The following PTRH2 variants were observed in gnomAD, a reference collection of about 807,000 sequenced individuals.
PTRH2 encodes the protein peptidyl-tRNA hydrolase 2, mitochondrial.
In PTRH2, 10 loss-of-function variants were observed where a neutral mutation model predicts 12.3. The ratio of observed to expected loss-of-function variants is 0.81; its 90% CI spans 0.50 to 1.38. PTRH2 has a LOEUF of 1.38. Ranked by LOEUF, PTRH2 falls within the 40% of genes most tolerant of loss-of-function variation. The probability of loss-of-function intolerance (pLI) is 0.00; values close to 1 mark genes in which losing one functional copy is unlikely to be tolerated. For missense variants in PTRH2, 176 were observed against 214.1 expected (o/e 0.82, Z 1.11); for synonymous variants, 73 against 77.4 (o/e 0.94, Z 0.30).
intron 1 of PTRH2, among the ~76,000 whole-genome samples, chr17:59,702,760 G>A (rs955926296): frequency 2.0e-5 from 3 of 152,126 alleles, no homozygotes; most frequent in Non-Finnish European, 2.9e-5. Flanking sequence ...CTGTAGTTTC[G>A]CTTAAGCTTT....
intron 1 of PTRH2, chr17:59,699,236 T>A (rs9652857): frequency 1.9e-5 from 4 of 206,804 alleles, no homozygotes; most frequent in South Asian, 1.0e-4. Context: ...CAAATGCCTC[T>A]GCCAGTTTCT....
In PTRH2 at chr17:59,697,577, T is replaced by A; in HGVS notation, c.402A>T (p.Lys134Asn). The change falls in exon 2 of 2, where the codon AAA becomes AAT. Residue 134 changes from lysine to asparagine, a missense_variant. Lys to Asn is a moderately conservative substitution (Grantham distance 94). Transcript: ENST00000393038. The stretch of plus-strand genomic sequence containing the variant: ...TTAAACTTACAGTCAGTCCCAGCAT[T>A]TTTGCATGGGCCAATAATGCAATCA... The part of the protein sequence containing the change: ...ETLIALLAHA[K>N]MLGLTVSLIQ... 6.2e-7 allele frequency: 1 copy of A among 1,614,182 alleles called. No individual in the cohort carries two copies. The highest frequency in any genetic ancestry group is 2.2e-5 in the East Asian group (1 of 44,890).
chr17:59,704,805 T>C (rs1408382869), intron 1 of PTRH2, among the ~76,000 whole-genome samples: 1 of 152,080 alleles, frequency 6.6e-6, no homozygotes, highest in Non-Finnish European at 1.5e-5. Context: ...TTTTTTTTTC[T>C]TAAGACGGCA....
chr17:59,697,357 G>A lies in PTRH2; in HGVS notation c.*82C>T. 2 of 1,431,806 alleles carry A rather than the reference G, an allele frequency of 1.4e-6. No homozygotes were observed. The highest frequency in any genetic ancestry group is 2.5e-4 in the Middle Eastern group (1 of 4,022). 88.7% of individuals were successfully genotyped at this position (1,431,806 alleles called of 1,614,324 possible). A position where few individuals can be genotyped will look rare whatever the true frequency, so the allele number is the denominator to read the frequency against. ...CATCTCAAGAACATTTAAGTTGGGT[G>A]AAGAAATTCAGCTTTTGTTGTTAGA... On this transcript the variant is annotated 3_prime_UTR_variant, in exon 2 of 2. Coordinates refer to ENST00000393038, the MANE Select transcript of PTRH2 (RefSeq NM_016077.5).
intron 1 of PTRH2, chr17:59,698,216 C>T (rs888409238): frequency 5.5e-5 from 29 of 522,572 alleles, no homozygotes; most frequent in Admixed American, 3.1e-4. Context: ...TTGATGTAAA[C>T]GAAGTTGCAT....
intron 1 of PTRH2, chr17:59,700,463 T>C (rs1411481089): frequency 1.3e-5 from 2 of 152,210 alleles, no homozygotes; most frequent in Non-Finnish European, 2.9e-5. Flanking sequence ...CACTGCATGA[T>C]TGGCACGGCA....
intron 1 of PTRH2, among the ~76,000 whole-genome samples, chr17:59,703,305 A>T (rs1050387245): frequency 1.3e-5 from 2 of 151,920 alleles, no homozygotes; most frequent in Admixed American, 6.6e-5. Context: ...ATTTACAGGC[A>T]TGAGCCACTG....
At chr17:59,706,880 C>T (rs548759616) in intron 1 of PTRH2, among the ~76,000 whole-genome samples, 2 of 151,976 alleles carry the variant, frequency 1.3e-5, no homozygotes, top group African/African-American at 4.8e-5. Flanking sequence ...GCCATGTTGG[C>T]CAGGATGGTC....
At chr17:59,703,353 T>C (rs769591868) in intron 1 of PTRH2, among the ~76,000 whole-genome samples, 5 of 152,044 alleles carry the variant, frequency 3.3e-5, no homozygotes, top group Non-Finnish European at 7.4e-5. Flanking sequence ...CAATTTATGA[T>C]GGGTTTATCA....
Position 59,697,647 on chromosome 17 carries a change from C to T in PTRH2, c.332G>A (p.Cys111Tyr). The change falls in exon 2 of 2, where the codon TGT becomes TAT. Residue 111 changes from cysteine to tyrosine, a missense_variant. Physicochemically the swap from Cys to Tyr is radical, Grantham distance 194. Transcript: ENST00000393038. ...NPEMLKQWEY[C>Y]GQPKVVVKAP... is the part of the protein sequence containing the mutation. Reference sequence around the variant, plus strand: ...TTTGACCACCACCTTGGGCTGGCCACAGTATTCCCATTGTTTGAGCATTTC... The same window carrying T: ...TTTGACCACCACCTTGGGCTGGCCATAGTATTCCCATTGTTTGAGCATTTC... 6.2e-7 allele frequency: 1 copy of T among 1,614,190 alleles called. No individual in the cohort carries two copies. The highest frequency in any genetic ancestry group is 8.5e-7 in the Non-Finnish European group (1 of 1,180,016).
At chr17:59,704,206 AAGTGTCTAAGGTAC>A (rs1297288581) in intron 1 of PTRH2, among the ~76,000 whole-genome samples, 1 of 152,244 alleles carries the variant, frequency 6.6e-6, no homozygotes, top group Non-Finnish European at 1.5e-5. Flanking sequence ...GAAATAAAAA[AAGTGTCTAAGGTAC>A]ACCTGTCTGA....
At chr17:59,705,663 A>C (rs964402652) in intron 1 of PTRH2, among the ~76,000 whole-genome samples, 21 of 152,148 alleles carry the variant, frequency 1.4e-4, no homozygotes, top group African/African-American at 5.1e-4. Context: ...TCCTGGCCTC[A>C]AGGAGTTGCT....
intron 1 of PTRH2, among the ~76,000 whole-genome samples, chr17:59,702,638 A>C (rs1411811726): frequency 6.6e-6 from 1 of 152,224 alleles, no homozygotes; most frequent in Non-Finnish European, 1.5e-5. Context: ...ATGTAGTAAT[A>C]GTTAACATTT....
At chr17:59,702,482 A>G (rs529406112) in intron 1 of PTRH2, among the ~76,000 whole-genome samples, 8 of 152,270 alleles carry the variant, frequency 5.3e-5, no homozygotes, top group African/African-American at 1.7e-4. Context: ...AAATACAGAT[A>G]AAACTTCACT....
rs1304793172 is a variant in PTRH2, at chr17:59,703,253, G to A, written c.-1+4118C>T. The stretch of plus-strand genomic sequence containing the variant: ...TGCCCAGGCTGGTCTCGAACTCTGG[G>A]CCTCATATGATCCCTCCCACCTCAG... On this transcript the variant is annotated intron_variant, in intron 1 of 1. Coordinates refer to ENST00000393038, the MANE Select transcript of PTRH2 (RefSeq NM_016077.5). 7.3e-5 allele frequency among the ~76,000 whole-genome samples: 11 copies of A among 151,184 alleles called. No individual in the cohort carries two copies. In the East Asian group the frequency reaches 2.2e-3, roughly 30 times the overall value.
At chr17:59,698,060 T>A (rs2033481003) in intron 1 of PTRH2, 82 bp from the exon 2 acceptor site, 1 of 1,386,272 alleles carries the variant, frequency 7.2e-7, no homozygotes, top group Admixed American at 2.2e-5. Flanking sequence ...ACATTTTGAC[T>A]ATACACTTAA....
At chr17:59,701,204 G>C (rs1451216302) in intron 1 of PTRH2, 2 of 152,160 alleles carry the variant, frequency 1.3e-5, no homozygotes, top group Non-Finnish European at 2.9e-5. Flanking sequence ...TGGTACAAGG[G>C]AATTTAGGAT....
At chr17:59,701,939 C>T (rs2033561794) in intron 1 of PTRH2, among the ~76,000 whole-genome samples, 1 of 150,766 alleles carries the variant, frequency 6.6e-6, no homozygotes, top group African/African-American at 2.4e-5. Context: ...CTCCTGACCT[C>T]GTGATCCGCC....
In PTRH2 at chr17:59,697,415, GGTT is replaced by G. The variant is rs770730916; in HGVS notation, c.*21_*23del. 6 of 1,584,308 alleles carry G rather than the reference GGTT, an allele frequency of 3.8e-6. No homozygotes were observed. In the East Asian group the frequency reaches 1.1e-4, roughly 30 times the overall value. ...AGGCTTCAAACACTTGTGATGGAGG[GGTT>G]GTTGTCATATCAAAGTCCACCTAGT... is the stretch of plus-strand genomic sequence containing the variant. On this transcript the variant is annotated 3_prime_UTR_variant, in exon 2 of 2. Coordinates refer to ENST00000393038, the MANE Select transcript of PTRH2 (RefSeq NM_016077.5).
Sources: allele counts gnomAD v4.1 joint callset (sites outside exome capture counted in the v4.1 genomes callset), GRCh38; gene constraint gnomAD v4.1.1; transcripts MANE v1.5; gene names NCBI Gene and HGNC (gene_info 2026-07-23, HGNC 2026-07-21).